Variants in MAX observed in about 807,000 individuals in gnomAD.
MAX encodes protein max.
A neutral mutation model predicts 22.3 loss-of-function variants in MAX; 3 were observed. The observed-to-expected ratio is 0.13, with a 90% CI of 0.06 to 0.35. MAX has a LOEUF of 0.35. MAX is among the 10% of genes least tolerant of loss of function. MAX has a pLI of 1.00. For synonymous variants in MAX, 72 were observed against 77.7 expected (o/e 0.93, Z 0.39); for missense variants, 119 against 209.4 (o/e 0.57, Z 2.66).
chr14:65,077,495 T>C lies in MAX; in HGVS notation c.295+418A>G, dbSNP rs2063090775. On this transcript the variant is annotated intron_variant, in intron 4 of 4. Transcript: ENST00000358664. The surrounding 1 kb of genome is among the most constrained non-coding windows in gnomAD (Gnocchi z 6.3). ...CATGGGCCTAGCCCATAGGCTGCCC[T>C]GATTGGACTACCATTGACAATGGGG... The C allele has an allele frequency of 1.8e-6, 2 of 1,095,476 alleles. No homozygotes were observed. Among genetic ancestry groups the C allele is most frequent in the Admixed American group, 1.7e-5 (1 of 59,382 alleles). 67.9% of individuals were successfully genotyped at this position (1,095,476 alleles called of 1,614,324 possible).
intron 3 of MAX, among the ~76,000 whole-genome samples, chr14:65,063,470 A>G (rs2062898895): frequency 6.6e-6 from 1 of 152,190 alleles, no homozygotes; most frequent in Non-Finnish European, 1.5e-5. Context: ...AGAGAAGAGA[A>G]AGGGTTATTT....
At position 65,076,178 on chromosome 14, in the gene MAX, C is replaced by A; in HGVS notation, c.*298G>T. On this transcript the variant is annotated 3_prime_UTR_variant, in exon 5 of 5. Coordinates refer to ENST00000358664, the MANE Select transcript of MAX (RefSeq NM_002382.5). The surrounding 1 kb of genome is among the most constrained non-coding windows in gnomAD (Gnocchi z 6.6). ...GACACTATGTGCTCAGAGGTCCGGC[C>A]GGCCGTCTGTCCTCCACAGAAAAAG... 7.2e-7 allele frequency: 1 copy of A among 1,388,816 alleles called. No individual in the cohort carries two copies. The highest frequency in any genetic ancestry group is 9.3e-7 in the Non-Finnish European group (1 of 1,073,578). The allele number at this position is 1,388,816 out of a possible 1,614,324, so 86.0% of individuals were successfully genotyped here. A position where few individuals can be genotyped will look rare whatever the true frequency, so the allele number is the denominator to read the frequency against.
Position 65,008,699 on chromosome 14 carries a change from C to T in MAX, c.172-2415G>A, listed in dbSNP as rs145457160. ...GCTAAAGCCAGGAGACTGAAAGGAGCGGAGCTCAAAGAAGGCAGCATGACC... is the reference window on the plus strand; with the variant it reads ...GCTAAAGCCAGGAGACTGAAAGGAGTGGAGCTCAAAGAAGGCAGCATGACC... On this transcript the variant is annotated intron_variant, in intron 3 of 3. Coordinates refer to the MAX transcript ENST00000341653. 3.2e-3 allele frequency among the ~76,000 whole-genome samples: 484 copies of T among 152,208 alleles called. 2 individuals carry two copies. The highest frequency in any genetic ancestry group is 0.014 in the Middle Eastern group (4 of 294).
chr14:65,027,450 T>C lies in MAX; in HGVS notation c.172-21166A>G, dbSNP rs1275384670. The C allele has an allele frequency of 1.2e-6, 2 of 1,614,020 alleles. No individual in the cohort carries two copies. The highest frequency in any genetic ancestry group is 3.3e-5 in the Admixed American group (2 of 59,998). On this transcript the variant is annotated intron_variant, in intron 3 of 3. Coordinates refer to the MAX transcript ENST00000341653. The surrounding 1 kb of genome is among the most constrained non-coding windows in gnomAD (Gnocchi z 5.7). ...TGTTTTTGCCCTTTGGCTGTGTACC[T>C]AGTGTGTGTCAGTTCCTGGAGCTGT...
At chr14:65,034,691 T>A (rs2062151696) in intron 3 of MAX, among the ~76,000 whole-genome samples, 1 of 152,252 alleles carries the variant, frequency 6.6e-6, no homozygotes, top group Admixed American at 6.5e-5. Flanking sequence ...CATCTTTTTA[T>A]TCTTTATGAG....
At chr14:65,025,136 C>G (rs1396202155) in intron 3 of MAX, among the ~76,000 whole-genome samples, 1 of 152,138 alleles carries the variant, frequency 6.6e-6, no homozygotes, top group East Asian at 1.9e-4. Flanking sequence ...TCTAGCACAG[C>G]CCCAGACAGT....
rs570282362 is a variant in MAX at position 65,082,671 on chromosome 14, G to A, written c.172-4635C>T. 1.7e-4 allele frequency among the ~76,000 whole-genome samples: 26 copies of A among 152,140 alleles called. No individual in the cohort carries two copies. The South Asian group carries it at 4.8e-3, about 28-fold the overall frequency. On this transcript the variant is annotated intron_variant, in intron 3 of 4. Transcript: ENST00000358664. The surrounding 1 kb of genome is among the most constrained non-coding windows in gnomAD (Gnocchi z 4.8). ...GGTCCCAGCTACTTGGGAGGCAAAG[G>A]TGGGAGGATCTCTTGAGCCCATGGG...
Position 65,012,303 on chromosome 14 carries a change from G to T in MAX, c.172-6019C>A, listed in dbSNP as rs762486895. ...AGCTATTAGAATGGGCTTATAAACT[G>T]TTTGTCTTTCCAGGCTTGTTTTGCA... On this transcript the variant is annotated intron_variant, in intron 3 of 3. Transcript: ENST00000341653. The surrounding 1 kb of genome is among the most constrained non-coding windows in gnomAD (Gnocchi z 5.0). The T allele has an allele frequency of 6.2e-7, 1 of 1,613,910 alleles. No individual in the cohort carries two copies. Among genetic ancestry groups the T allele is most frequent in the Non-Finnish European group, 8.5e-7 (1 of 1,179,862 alleles).
intron 3 of MAX, among the ~76,000 whole-genome samples, chr14:65,065,531 A>G (rs1172461100): frequency 1.3e-5 from 2 of 152,172 alleles, no homozygotes; most frequent in African/African-American, 2.4e-5. Flanking sequence ...CTCCTAGGCT[A>G]CAAACCTGTG....
intron 3 of MAX, chr14:65,040,875 G>T: frequency 6.2e-7 from 1 of 1,614,034 alleles, no homozygotes; most frequent in South Asian, 1.1e-5. Context: ...GGCCGCGCTG[G>T]TAATCCTCAA....
chr14:65,030,901 G>A lies in MAX; in HGVS notation c.172-24617C>T, dbSNP rs971854846. ...TGGCTCACTGCAACCTCTGTCTCTGGGGTTCAAACGATTCTCCTGCCTCGG... is the reference window on the plus strand; with the variant it reads ...TGGCTCACTGCAACCTCTGTCTCTGAGGTTCAAACGATTCTCCTGCCTCGG... On this transcript the variant is annotated intron_variant, in intron 3 of 3. Coordinates refer to the MAX transcript ENST00000341653. This position sits in a 1 kb window ranked among gnomAD's most constrained non-coding sequence, Gnocchi z 4.5. Among the ~76,000 whole-genome samples, 1 of 152,138 alleles carries A rather than the reference G, an allele frequency of 6.6e-6. No homozygotes were observed. Among genetic ancestry groups the A allele is most frequent in the African/African-American group, 2.4e-5 (1 of 41,430 alleles).
chr14:65,098,829 TTC>T (rs1370752265), intron 2 of MAX, among the ~76,000 whole-genome samples: 1 of 152,206 alleles, frequency 6.6e-6, no homozygotes, highest in African/African-American at 2.4e-5. Context: ...CAGTTTCACT[TTC>T]TGTTAGAGTT....
chr14:65,071,458 A>G (rs1369784843), downstream of MAX, among the ~76,000 whole-genome samples: 1 of 152,190 alleles, frequency 6.6e-6, no homozygotes, highest in Non-Finnish European at 1.5e-5. The surrounding 1 kb of genome is among the most constrained non-coding windows in gnomAD (Gnocchi z 4.2). Flanking sequence ...TCCACATTTT[A>G]ACAAAACTAA....
intron 3 of MAX, among the ~76,000 whole-genome samples, chr14:65,066,055 G>A (rs1202152440): frequency 1.3e-5 from 2 of 152,212 alleles, no homozygotes; most frequent in African/African-American, 2.4e-5. Flanking sequence ...CGGGGAATAG[G>A]GGGCACTGGT....
At position 65,046,196 on chromosome 14, in the gene MAX, G is replaced by A. The variant is rs151246522; in HGVS notation, c.172-39912C>T. On this transcript the variant is annotated intron_variant, in intron 3 of 3. Transcript: ENST00000341653. ...TCTCCATGTTGGTCAGGCTGGTCTC[G>A]AACTCCTGACCTCAGGTGATCTGTC... 6.4e-3 allele frequency among the ~76,000 whole-genome samples: 971 copies of A among 152,174 alleles called. 10 individuals are homozygous for A. Among genetic ancestry groups the A allele is most frequent in the African/African-American group, 0.022 (893 of 41,518 alleles).
chr14:65,035,933 G>C (rs1277715544), intron 3 of MAX, among the ~76,000 whole-genome samples: 1 of 151,950 alleles, frequency 6.6e-6, no homozygotes, highest in Non-Finnish European at 1.5e-5. Context: ...CTGGGCTCAA[G>C]CAGTCTTCCC....
intron 3 of MAX, among the ~76,000 whole-genome samples, chr14:65,019,520 C>T (rs1032313221): frequency 4.0e-5 from 6 of 151,816 alleles, no homozygotes; most frequent in African/African-American, 1.5e-4. Flanking sequence ...TTTTTTTAAG[C>T]TTACTTGCAT....
At chr14:65,022,451 G>A (rs538483914) in intron 3 of MAX, among the ~76,000 whole-genome samples, 91 of 152,112 alleles carry the variant, frequency 6.0e-4, no homozygotes, top group Non-Finnish European at 1.1e-3. Context: ...CTACTAGAAT[G>A]TTTATGTAAT....
At chr14:65,034,966 C>G (rs1049139456) in intron 3 of MAX, among the ~76,000 whole-genome samples, 4 of 152,228 alleles carry the variant, frequency 2.6e-5, no homozygotes, top group African/African-American at 9.6e-5. Flanking sequence ...TGGTCAGACT[C>G]AAGCTACAAA....
Sources: allele counts gnomAD v4.1 joint callset (sites outside exome capture counted in the v4.1 genomes callset), GRCh38; gene constraint gnomAD v4.1.1; non-coding constraint Gnocchi (gnomAD v3.1); transcripts MANE v1.5; gene names NCBI Gene and HGNC (gene_info 2026-07-23, HGNC 2026-07-21).